The following SNX20 variants were observed in gnomAD, a reference collection of about 807,000 sequenced individuals.
The protein encoded by SNX20 is sorting nexin-20.
A neutral mutation model predicts 24.5 loss-of-function variants in SNX20; 21 were observed. The ratio of observed to expected loss-of-function variants is 0.86; its 90% CI spans 0.61 to 1.23. SNX20 has a LOEUF of 1.23. SNX20 is among the 50% of genes most tolerant of loss of function. SNX20 has a pLI of 0.00. For synonymous variants in SNX20, 206 were observed against 192.8 expected (o/e 1.07, Z -0.57); for missense variants, 433 against 430.8 (o/e 1.00, Z -0.04).
rs1234210762 is a variant in SNX20, at chr16:50,673,533, C to G, written c.824G>C (p.Arg275Pro). ...YYAPLLDAMV[R>P]LAYALGKDFV... ...GTCCTTGCCCAGCGCGTAGGCCAGG[C>G]GGACCATGGCGTCCAGCAGAGGCGC... The change falls in exon 4 of 4, where the codon CGC becomes CCC. Residue 275 changes from arginine (R) to proline (P), a missense_variant. Transcript: ENST00000330943. This position sits in a 1 kb window ranked among gnomAD's most constrained non-coding sequence, Gnocchi z 4.1. The G allele has an allele frequency of 3.7e-6, 6 of 1,609,248 alleles. No individual in the cohort carries two copies. The South Asian group carries it at 5.5e-5, about 15-fold the overall frequency.
chr16:50,679,639 C>T (rs527837922), intron 1 of SNX20, among the ~76,000 whole-genome samples: 3 of 152,320 alleles, frequency 2.0e-5, no homozygotes, highest in South Asian at 2.1e-4. Context: ...CCTGACCAAC[C>T]GTGTGTCCTT....
Position 50,673,305 on chromosome 16 carries a change from C to CA in SNX20, c.*100dup. The stretch of plus-strand genomic sequence containing the variant: ...GACAGAGCAAGACTGTCTCAAATAA[C>CA]AAAAAAGAAAAGGAAAAATAAAAAA... On this transcript the variant is annotated 3_prime_UTR_variant, in exon 4 of 4. Transcript: ENST00000330943. The surrounding 1 kb of genome is among the most constrained non-coding windows in gnomAD (Gnocchi z 4.1). 7.1e-7 allele frequency: 1 copy of CA among 1,398,692 alleles called. No homozygotes were observed. 86.6% of individuals were successfully genotyped at this position (1,398,692 alleles called of 1,614,324 possible). A position where few individuals can be genotyped will look rare whatever the true frequency, so the allele number is the denominator to read the frequency against.
intron 1 of SNX20, among the ~76,000 whole-genome samples, chr16:50,679,544 G>C (rs1341826634): frequency 6.6e-6 from 1 of 152,248 alleles, no homozygotes; most frequent in Non-Finnish European, 1.5e-5. Context: ...CTGGCCCAGG[G>C]CTGCACGTTC....
At chr16:50,678,437 T>C (rs575524547) in intron 1 of SNX20, among the ~76,000 whole-genome samples, 1 of 152,232 alleles carries the variant, frequency 6.6e-6, no homozygotes, top group Non-Finnish European at 1.5e-5. Context: ...AGCTGGTGAG[T>C]GTGCGCAACA....
At position 50,674,087 on chromosome 16, in the gene SNX20, C is replaced by A; in HGVS notation, c.283-13G>T. ...TGATTTGGTACACCTAGGGCGCAACCAGAGAGAGCTGTGGCCACCTCCCGG... is the reference window on the plus strand; with the variant it reads ...TGATTTGGTACACCTAGGGCGCAACAAGAGAGAGCTGTGGCCACCTCCCGG... On this transcript the variant is annotated splice_polypyrimidine_tract_variant and intron_variant, in intron 3 of 3. Coordinates refer to ENST00000330943, the MANE Select transcript of SNX20 (RefSeq NM_182854.4). 1 of 1,576,312 alleles carries A rather than the reference C, an allele frequency of 6.3e-7. No homozygotes were observed. Among genetic ancestry groups the A allele is most frequent in the South Asian group, 1.2e-5 (1 of 86,160 alleles).
chr16:50,676,007 G>T, intron 2 of SNX20, 86 bp from the exon 3 acceptor site: 1 of 1,388,288 alleles, frequency 7.2e-7, no homozygotes, highest in Non-Finnish European at 9.6e-7. Context: ...GTCTATCTGA[G>T]ATGGCATATC....
At chr16:50,667,624 C>T (rs773361562), downstream of SNX20, 12 of 251,154 alleles carry the variant, frequency 4.8e-5, no homozygotes, top group Middle Eastern at 1.5e-3. Flanking sequence ...ACTGAGAAAA[C>T]GAGCAGCTAG....
At chr16:50,680,255 G>T (rs769430964) in intron 1 of SNX20, among the ~76,000 whole-genome samples, 4 of 152,136 alleles carry the variant, frequency 2.6e-5, no homozygotes, top group Non-Finnish European at 5.9e-5. Flanking sequence ...CACTCTAAAA[G>T]CTCTCTGGGG....
downstream of SNX20, chr16:50,669,402 C>A: frequency 2.2e-6 from 1 of 450,680 alleles, no homozygotes; most frequent in Non-Finnish European, 4.0e-6. Flanking sequence ...ATGTCAGGCT[C>A]TTCTAAACAA....
chr16:50,679,074 GACT>G (rs764181227), intron 1 of SNX20, among the ~76,000 whole-genome samples: 2 of 15,328 alleles, frequency 1.3e-4, no homozygotes, highest in African/African-American at 1.9e-3. Context: ...CTGGTATACT[GACT>G]GGTTAGGCAT....
At chr16:50,669,049 T>A (rs1466314047), downstream of SNX20, 4 of 1,551,890 alleles carry the variant, frequency 2.6e-6, no homozygotes, top group South Asian at 4.8e-5. Context: ...TCTCAGAGCA[T>A]GTCACTTTGA....
Position 50,673,324 on chromosome 16 carries a change from TAAAA to T in SNX20, c.*78_*81del. 7.3e-7 allele frequency: 1 copy of T among 1,379,102 alleles called. No homozygotes were observed. The highest frequency in any genetic ancestry group is 1.9e-4 in the Middle Eastern group (1 of 5,152). The allele number at this position is 1,379,102 out of a possible 1,614,324, so 85.4% of individuals were successfully genotyped here. A position where few individuals can be genotyped will look rare whatever the true frequency, so the allele number is the denominator to read the frequency against. On this transcript the variant is annotated 3_prime_UTR_variant, in exon 4 of 4. Coordinates refer to ENST00000330943, the MANE Select transcript of SNX20 (RefSeq NM_182854.4). This position sits in a 1 kb window ranked among gnomAD's most constrained non-coding sequence, Gnocchi z 4.1. ...AAATAACAAAAAAGAAAAGGAAAAATAAAAAAAAAGAACCCCAAACAGCCCACTG... is the reference window on the plus strand; with the variant it reads ...AAATAACAAAAAAGAAAAGGAAAAATAAAAAGAACCCCAAACAGCCCACTG...
At position 50,677,528 on chromosome 16, in the gene SNX20, C is replaced by A; in HGVS notation, c.-2G>T. ...CCCAGGGTGCTCTGGACTTGCCATG[C>A]TCCAAGGCTGCCAGAGGAAAAAGAG... On this transcript the variant is annotated 5_prime_UTR_variant, in exon 2 of 4. Transcript: ENST00000330943. 2 of 1,568,734 alleles carry A rather than the reference C, an allele frequency of 1.3e-6. No homozygotes were observed. The highest frequency in any genetic ancestry group is 1.1e-5 in the South Asian group (1 of 87,154).
rs886590214 is a variant in SNX20, at chr16:50,681,250, G to C, written c.-70C>G. On this transcript the variant is annotated 5_prime_UTR_variant, in exon 1 of 4. Transcript: ENST00000330943. ...GGGAGGAGTGTCATATGGCCCCTTC[G>C]AGCTCTTGGTTCTCAGCTCCGGCGA... The C allele has an allele frequency of 6.6e-6, 1 of 152,366 alleles. No individual in the cohort carries two copies. The highest frequency in any genetic ancestry group is 6.5e-5 in the Admixed American group (1 of 15,290). 9.4% of individuals were successfully genotyped at this position (152,366 alleles called of 1,614,324 possible).
Position 50,676,200 on chromosome 16 carries a change from C to T in SNX20, c.131-279G>A, listed in dbSNP as rs762915002. ...GGAATGCGGTGCGGGCACTTTGCAT[C>T]GTCCACTTCTGGTCTGTAGATTGGC... On this transcript the variant is annotated intron_variant, in intron 2 of 3. Coordinates refer to ENST00000330943, the MANE Select transcript of SNX20 (RefSeq NM_182854.4). Among the ~76,000 whole-genome samples the T allele has an allele frequency of 3.3e-5, 5 of 151,806 alleles. No individual in the cohort carries two copies. In the South Asian group the frequency reaches 6.3e-4, roughly 19 times the overall value.
At position 50,673,957 on chromosome 16, in the gene SNX20, C is replaced by T. The variant is rs528011592; in HGVS notation, c.400G>A (p.Glu134Lys). The change falls in exon 4 of 4, where the codon GAG becomes AAG. Residue 134 changes from glutamate to lysine, a missense_variant. Transcript: ENST00000330943. The surrounding 1 kb of genome is among the most constrained non-coding windows in gnomAD (Gnocchi z 4.1). The part of the protein sequence containing the change: ...QKALLKTFRE[E>K]IEDVEFPRKH... ...CTGGGAAACTCCACGTCTTCGATCT[C>T]CTCCCTGAACGTCTTCAGCAGCGCT... is the stretch of plus-strand genomic sequence containing the variant. 6.2e-6 allele frequency: 10 copies of T among 1,613,442 alleles called. No individual in the cohort carries two copies. In the South Asian group the frequency reaches 1.1e-4, roughly 18 times the overall value.
chr16:50,669,172 G>T, downstream of SNX20: 1 of 1,031,416 alleles, frequency 9.7e-7, no homozygotes, highest in Non-Finnish European at 1.5e-6. Flanking sequence ...TGAGTGAAAT[G>T]ATCTTTAAAG....
At chr16:50,669,338 T>G, downstream of SNX20, 2 of 563,922 alleles carry the variant, frequency 3.5e-6, no homozygotes, top group Non-Finnish European at 6.3e-6. Context: ...CCACTTATGG[T>G]GGAAGGGGAA....
At chr16:50,668,458 T>TCATAG, downstream of SNX20, 1 of 812,248 alleles carries the variant, frequency 1.2e-6, no homozygotes, top group Non-Finnish European at 1.5e-6. Flanking sequence ...GTGTTTATTT[T>TCATAG]TGTAGCTACT....
Sources: allele counts gnomAD v4.1 joint callset (sites outside exome capture counted in the v4.1 genomes callset), GRCh38; gene constraint gnomAD v4.1.1; non-coding constraint Gnocchi (gnomAD v3.1); transcripts MANE v1.5; gene names NCBI Gene and HGNC (gene_info 2026-07-23, HGNC 2026-07-21).